Variants in TMEM132A observed in about 807,000 individuals in gnomAD.
The protein encoded by TMEM132A is GRP78-binding protein.
In TMEM132A, 48 loss-of-function variants were observed where a neutral mutation model predicts 69.9. The ratio of observed to expected loss-of-function variants is 0.69; its 90% CI spans 0.55 to 0.87. The LOEUF (loss-of-function observed/expected upper bound fraction) is 0.87. TMEM132A is among the 40% of genes least tolerant of loss of function. TMEM132A has a pLI of 0.00. For synonymous variants in TMEM132A, 577 were observed against 613.7 expected, an observed-to-expected ratio of 0.94 and a Z score of 0.88; for missense variants, 1,287 against 1,407.2, an observed-to-expected ratio of 0.91 and a Z score of 1.37.
At position 60,935,216 on chromosome 11, in the gene TMEM132A, G is replaced by A; in HGVS notation, c.1837-36G>A. On this transcript the variant is annotated intron_variant, in intron 9 of 10. Transcript: ENST00000453848. This position sits in a 1 kb window ranked among gnomAD's most constrained non-coding sequence, Gnocchi z 5.0. Reference sequence around the variant, plus strand: ...CCTCTGGGTGGGGGCTGTCTGTATGGAAGGCCCCCCACCTCCAGCTCCTTT... The same window carrying A: ...CCTCTGGGTGGGGGCTGTCTGTATGAAAGGCCCCCCACCTCCAGCTCCTTT... 1 of 1,562,340 alleles carries A rather than the reference G, an allele frequency of 6.4e-7. No individual in the cohort carries two copies. Among genetic ancestry groups the A allele is most frequent in the Non-Finnish European group, 8.7e-7 (1 of 1,151,138 alleles).
At position 60,935,168 on chromosome 11, in the gene TMEM132A, A is replaced by G. The variant is rs927532035; in HGVS notation, c.1837-84A>G. On this transcript the variant is annotated intron_variant, in intron 9 of 10. Coordinates refer to ENST00000453848, the MANE Select transcript of TMEM132A (RefSeq NM_178031.3). This position sits in a 1 kb window ranked among gnomAD's most constrained non-coding sequence, Gnocchi z 5.0. Reference sequence around the variant, plus strand: ...CCCCACCTCCGGAGGGCAGCCCGTGAGGGTGCTGGGAGCACCCGGTTCCCT... The same window carrying G: ...CCCCACCTCCGGAGGGCAGCCCGTGGGGGTGCTGGGAGCACCCGGTTCCCT... 7.5e-7 allele frequency: 1 copy of G among 1,327,788 alleles called. No homozygotes were observed. Among genetic ancestry groups the G allele is most frequent in the Admixed American group, 2.1e-5 (1 of 47,118 alleles). 82.3% of individuals were successfully genotyped at this position (1,327,788 alleles called of 1,614,324 possible).
rs539326508 is a variant in TMEM132A at position 60,937,136 on chromosome 11, G to A, written c.*229G>A. On this transcript the variant is annotated 3_prime_UTR_variant, in exon 11 of 11. Coordinates refer to ENST00000453848, the MANE Select transcript of TMEM132A (RefSeq NM_178031.3). ...TTATGGGAACCATTTCATTCTAACAGAATAAACCGAGAAGGAAACCAGAGC... is the reference window on the plus strand; with the variant it reads ...TTATGGGAACCATTTCATTCTAACAAAATAAACCGAGAAGGAAACCAGAGC... 7.8e-5 allele frequency: 119 copies of A among 1,533,822 alleles called. No individual in the cohort carries two copies. In the African/African-American group the frequency reaches 1.6e-3, roughly 21 times the overall value.
At position 60,936,582 on chromosome 11, in the gene TMEM132A, C is replaced by T. The variant is rs372456749; in HGVS notation, c.2747C>T (p.Pro916Leu). ...SRQLDRQSPG[P>L]PKGEGSCPCE... ...CAGCTGGACCGGCAGTCCCCTGGCC[C>T]GCCCAAGGGGGAGGGGAGCTGCCCC... Residue 916 changes from proline to leucine, a missense_variant, in exon 11 of 11, where the codon CCG becomes CTG. By Grantham distance (98) the Pro-to-Leu change is moderately conservative. Transcript: ENST00000453848. 57 of 1,601,124 alleles carry T rather than the reference C, an allele frequency of 3.6e-5. No homozygotes were observed. Among genetic ancestry groups the T allele is most frequent in the African/African-American group, 1.9e-4 (14 of 74,812 alleles).
chr11:60,934,897 T>A, intron 9 of TMEM132A, 133 bp downstream of exon 9: 1 of 977,768 alleles, frequency 1.0e-6, no homozygotes, highest in African/African-American at 1.6e-5. Flanking sequence ...TAGGTCTGAG[T>A]GCAGTGGGAT....
At chr11:60,925,021 G>A (rs2134888424) in intron 1 of TMEM132A, among the ~76,000 whole-genome samples, 1 of 152,246 alleles carries the variant, frequency 6.6e-6, no homozygotes, top group East Asian at 1.9e-4. Context: ...CCTCAGCCCG[G>A]GCATCGAACC....
chr11:60,935,741 T>C lies in TMEM132A; in HGVS notation c.2029-123T>C. The stretch of plus-strand genomic sequence containing the variant: ...CCCCTCTCTCCCTGTGTTTTGTCTA[T>C]CTGCCTGTGTCTCTGTTTTCTCTCT... On this transcript the variant is annotated intron_variant, in intron 10 of 10. Transcript: ENST00000453848. The surrounding 1 kb of genome is among the most constrained non-coding windows in gnomAD (Gnocchi z 5.0). 1 of 1,180,220 alleles carries C rather than the reference T, an allele frequency of 8.5e-7. No homozygotes were observed. Among genetic ancestry groups the C allele is most frequent in the Non-Finnish European group, 1.2e-6 (1 of 831,510 alleles). The allele number at this position is 1,180,220 out of a possible 1,614,324, so 73.1% of individuals were successfully genotyped here.
At chr11:60,929,842 T>A (rs2050326150) in intron 4 of TMEM132A, among the ~76,000 whole-genome samples, 1 of 152,174 alleles carries the variant, frequency 6.6e-6, no homozygotes, top group Non-Finnish European at 1.5e-5. Flanking sequence ...TGCCAAGCCC[T>A]GTGTCTTCAC....
At chr11:60,930,232 G>A (rs1396024985) in intron 4 of TMEM132A, among the ~76,000 whole-genome samples, 5 of 152,182 alleles carry the variant, frequency 3.3e-5, no homozygotes, top group East Asian at 3.9e-4. Context: ...TGTCACAACC[G>A]AAGTTAAGGC....
At position 60,936,896 on chromosome 11, in the gene TMEM132A, G is replaced by A. The variant is rs1299485635; in HGVS notation, c.3061G>A (p.Gly1021Ser). The A allele has an allele frequency of 7.7e-6, 12 of 1,548,558 alleles. No homozygotes were observed. Among genetic ancestry groups the A allele is most frequent in the African/African-American group, 6.9e-5 (5 of 72,888 alleles). Residue 1021 changes from glycine to serine, a missense_variant, in exon 11 of 11, where the codon GGC becomes AGC. Coordinates refer to ENST00000453848, the MANE Select transcript of TMEM132A (RefSeq NM_178031.3). ...ELRNYMERIR[G>S]SS is the part of the protein sequence containing the mutation. ...TCGCAACTACATGGAGAGGATCCGG[G>A]GCAGCTCCTGACCCTCCACAGCCAC...
At position 60,935,938 on chromosome 11, in the gene TMEM132A, C is replaced by T. The variant is rs971006068; in HGVS notation, c.2103C>T (p.Asp701=). The change falls in exon 11 of 11, where the codon GAC becomes GAT. Residue 701 remains aspartate (D), a synonymous_variant. Transcript: ENST00000453848. The surrounding 1 kb of genome is among the most constrained non-coding windows in gnomAD (Gnocchi z 5.0). ...CAGCTGAGCTCTACGACCGCCGTGA[C>T]CTGGGACTGTCCGTCTCAGCCGAGG... is the stretch of plus-strand genomic sequence containing the variant. ...VAPAELYDRR[D]LGLSVSAEEP... 6.2e-7 allele frequency: 1 copy of T among 1,612,020 alleles called. No homozygotes were observed. Among genetic ancestry groups the T allele is most frequent in the Non-Finnish European group, 8.5e-7 (1 of 1,179,994 alleles).
In TMEM132A at chr11:60,928,718, G is replaced by A. The variant is rs747630288; in HGVS notation, c.624G>A (p.Thr208=). The change falls in exon 4 of 11, where the codon ACG becomes ACA. Residue 208 remains threonine (T), a synonymous_variant. Coordinates refer to ENST00000453848, the MANE Select transcript of TMEM132A (RefSeq NM_178031.3). ...ASTTRAELAY[T]LEPAAEGPGG... ...CCACACGGGCCGAGCTGGCCTACACGCTTGAGCCTGCAGCTGAGGGCCCTG... is the reference window on the plus strand; with the variant it reads ...CCACACGGGCCGAGCTGGCCTACACACTTGAGCCTGCAGCTGAGGGCCCTG... 5.6e-6 allele frequency: 9 copies of A among 1,610,008 alleles called. No individual in the cohort carries two copies. The highest frequency in any genetic ancestry group is 5.0e-5 in the Admixed American group (3 of 59,908).
At chr11:60,928,343 G>C (rs778505458) in intron 3 of TMEM132A, among the ~76,000 whole-genome samples, 2 of 152,208 alleles carry the variant, frequency 1.3e-5, no homozygotes, top group African/African-American at 2.4e-5. Flanking sequence ...AGGCAGGATA[G>C]TCCTGGGCTT....
Position 60,937,055 on chromosome 11 carries a change from T to C in TMEM132A, c.*148T>C. On this transcript the variant is annotated 3_prime_UTR_variant, in exon 11 of 11. Transcript: ENST00000453848. ...CACAAGGACTCCCATCCAGGCCCCC[T>C]CTGCCCTGCCCCTTGTCATGGACCA... 7.7e-7 allele frequency: 1 copy of C among 1,296,244 alleles called. No homozygotes were observed. Among genetic ancestry groups the C allele is most frequent in the Non-Finnish European group, 1.0e-6 (1 of 967,594 alleles). 80.3% of individuals were successfully genotyped at this position (1,296,244 alleles called of 1,614,324 possible).
In TMEM132A at chr11:60,935,461, AG is replaced by A. The variant is rs758118605; in HGVS notation, c.2028+23del. ...CAAAGCAGGTGACAGTTGGGGGGTC[AG>A]GGGGATGAGGTCAACATCTCCAGAT... On this transcript the variant is annotated intron_variant, in intron 10 of 10. Coordinates refer to ENST00000453848, the MANE Select transcript of TMEM132A (RefSeq NM_178031.3). The surrounding 1 kb of genome is among the most constrained non-coding windows in gnomAD (Gnocchi z 5.0). The A allele has an allele frequency of 6.3e-7, 1 of 1,580,894 alleles. No homozygotes were observed. The highest frequency in any genetic ancestry group is 1.2e-5 in the South Asian group (1 of 86,572).
chr11:60,935,827 C>T lies in TMEM132A; in HGVS notation c.2029-37C>T, dbSNP rs1856581453. On this transcript the variant is annotated intron_variant, in intron 10 of 10. Coordinates refer to ENST00000453848, the MANE Select transcript of TMEM132A (RefSeq NM_178031.3). This position sits in a 1 kb window ranked among gnomAD's most constrained non-coding sequence, Gnocchi z 5.0. Reference sequence around the variant, plus strand: ...GGTTTCTCTGTGCATGCGTGCGTGCCCTCGCATGTCTCTGCCTGTGTCTGT... The same window carrying T: ...GGTTTCTCTGTGCATGCGTGCGTGCTCTCGCATGTCTCTGCCTGTGTCTGT... 6.2e-7 allele frequency: 1 copy of T among 1,603,850 alleles called. No homozygotes were observed. Among genetic ancestry groups the T allele is most frequent in the African/African-American group, 1.3e-5 (1 of 74,636 alleles).
chr11:60,936,643 G>C lies in TMEM132A; in HGVS notation c.2808G>C (p.Leu936=). 6.4e-7 allele frequency: 1 copy of C among 1,555,962 alleles called. No homozygotes were observed. Among genetic ancestry groups the C allele is most frequent in the Non-Finnish European group, 8.7e-7 (1 of 1,152,358 alleles). ...ESGGGGEAPT[L]APGPPGGTTS... is the part of the protein sequence containing the mutation. ...GGGGAGGAGGGGAGGCCCCTACCCT[G>C]GCCCCTGGCCCTCCTGGGGGCACCA... Residue 936 remains leucine, a synonymous_variant, in exon 11 of 11, where the codon CTG becomes CTC. Transcript: ENST00000453848.
chr11:60,930,838 G>A (rs1443132368), intron 5 of TMEM132A, among the ~76,000 whole-genome samples, 179 bp downstream of exon 5: 3 of 152,098 alleles, frequency 2.0e-5, no homozygotes, highest in Non-Finnish European at 4.4e-5. Context: ...TCATTCATTC[G>A]GCCACTATCT....
rs1382030945 is a variant in TMEM132A at position 60,927,332 on chromosome 11, C to T, written c.229C>T (p.Arg77Ter). The change falls in exon 2 of 11, where the codon CGA (arginine) becomes TGA (stop). Residue 77 changes from arginine (R) to a stop codon, truncating the protein, a stop_gained. Transcript: ENST00000453848. LOFTEE classifies it high-confidence loss of function. ...ACCTGCCAACTCCTCTCTGAGCTCCCGATCTGAGACCTTTCTGCTCCTACA... is the reference window on the plus strand; with the variant it reads ...ACCTGCCAACTCCTCTCTGAGCTCCTGATCTGAGACCTTTCTGCTCCTACA... ...YPPANSSLSSRSETFLLLQPW... is the reference protein window; with the variant it reads ...YPPANSSLSS 5 of 1,613,318 alleles carry T rather than the reference C, an allele frequency of 3.1e-6. No individual in the cohort carries two copies. In the African/African-American group the frequency reaches 5.3e-5, roughly 17 times the overall value.
In TMEM132A at chr11:60,936,180, G is replaced by T. The variant is rs1856594335; in HGVS notation, c.2345G>T (p.Trp782Leu). 6.2e-7 allele frequency: 1 copy of T among 1,613,848 alleles called. No individual in the cohort carries two copies. Among genetic ancestry groups the T allele is most frequent in the Admixed American group, 1.7e-5 (1 of 60,000 alleles). ...PAPALPSSPA[W>L]SPPATEATMG... is the part of the protein sequence containing the mutation. ...CCTGCTCTCCCATCCAGCCCTGCTT[G>T]GAGCCCACCAGCCACAGAAGCCACC... is the stretch of plus-strand genomic sequence containing the variant. The change falls in exon 11 of 11, where the codon TGG (tryptophan) becomes TTG (leucine). Residue 782 changes from tryptophan (W) to leucine (L), a missense_variant. Transcript: ENST00000453848.
Sources: gnomAD v4.1 joint callset for allele counts (sites outside exome capture counted in the v4.1 genomes callset) on GRCh38, gnomAD v4.1.1 for gene constraint, Gnocchi (gnomAD v3.1) non-coding constraint, MANE v1.5 for transcripts, NCBI Gene and HGNC (gene_info 2026-07-23, HGNC 2026-07-21) for gene names.